The following ABL1 variants were observed in gnomAD, a reference collection of about 807,000 sequenced individuals.
ABL1 encodes tyrosine-protein kinase ABL1.
A neutral mutation model predicts 94.7 loss-of-function variants in ABL1; 11 were observed. The observed-to-expected ratio is 0.12, with a 90% confidence interval of 0.07 to 0.19. The LOEUF (loss-of-function observed/expected upper bound fraction) is 0.19. ABL1 is among the 10% of genes least tolerant of loss of function. The pLI, the probability that ABL1 is intolerant of heterozygous loss-of-function variation, is 1.00. For missense variants in ABL1, 1,082 were observed against 1,489.4 expected, an observed-to-expected ratio of 0.73 and a Z score of 4.50; for synonymous variants, 656 against 622.4, an observed-to-expected ratio of 1.05 and a Z score of -0.80.
chr9:130,876,733 C>CTTTTTT lies in ABL1; in HGVS notation c.1271-1664_1271-1659dup, dbSNP rs755840936. 2.9e-3 allele frequency among the ~76,000 whole-genome samples: 240 copies of CTTTTTT among 83,174 alleles called. 8 individuals are homozygous for CTTTTTT. The highest frequency in any genetic ancestry group is 6.2e-3 in the African/African-American group (119 of 19,316). The allele number at this position is 83,174 out of a possible 152,430, so 54.6% of individuals were successfully genotyped here. On this transcript the variant is annotated intron_variant, in intron 7 of 10. Transcript: ENST00000318560. ...ACCATGCCCTGCCACAAGTTGGTTT[C>CTTTTTT]TTTTTTTTTTTTTTTTTTTTTTTGA...
At chr9:130,808,214 TTTCTTCTTCTTC>T (rs372530078) in intron 1 of ABL1, among the ~76,000 whole-genome samples, 3,636 of 142,952 alleles carry the variant, frequency 0.025, 82 homozygotes, top group African/African-American at 0.054. Context: ...CCTAATTTCT[TTTCTTCTTCTTC>T]TTCTTCTTCT....
chr9:130,854,815 G>A lies in ABL1; in HGVS notation c.268G>A (p.Val90Ile), dbSNP rs373877460. 5 of 1,614,024 alleles carry A rather than the reference G, an allele frequency of 3.1e-6. No homozygotes were observed. Among genetic ancestry groups the A allele is most frequent in the Non-Finnish European group, 4.2e-6 (5 of 1,179,892 alleles). ...LSITKGEKLR[V>I]LGYNHNGEWC... ...TTTCTTCTCAGGTGAAAAGCTCCGG[G>A]TCTTAGGCTATAATCACAATGGGGA... The change falls in exon 3 of 11, where the codon GTC becomes ATC. Residue 90 changes from valine to isoleucine, a missense_variant. Physicochemically the swap from Val to Ile is conservative, Grantham distance 29. Transcript: ENST00000318560.
chr9:130,876,959 G>C (rs1019569358), intron 7 of ABL1, among the ~76,000 whole-genome samples: 1 of 146,266 alleles, frequency 6.8e-6, no homozygotes, highest in Non-Finnish European at 1.5e-5. Flanking sequence ...GGATGGTCTC[G>C]ATCTCCGGAC....
intron 1 of ABL1, among the ~76,000 whole-genome samples, chr9:130,781,526 C>T (rs939427761): frequency 6.6e-6 from 1 of 152,176 alleles, no homozygotes; most frequent in Non-Finnish European, 1.5e-5. Flanking sequence ...CTGATTTTAA[C>T]CATTGACCAT....
At chr9:130,720,374 G>A (rs1831499992) in intron 1 of ABL1, among the ~76,000 whole-genome samples, 1 of 152,186 alleles carries the variant, frequency 6.6e-6, no homozygotes, top group African/African-American at 2.4e-5. Flanking sequence ...ACCCGAAGGA[G>A]GAAGATGAGC....
At chr9:130,750,394 T>G (rs1338919916) in intron 1 of ABL1, among the ~76,000 whole-genome samples, 31 of 113,226 alleles carry the variant, frequency 2.7e-4, no homozygotes, top group Admixed American at 6.2e-4. Flanking sequence ...CTTCCCTCCT[T>G]CCCTTCCTCC....
intron 1 of ABL1, among the ~76,000 whole-genome samples, chr9:130,837,702 G>A (rs917032739): frequency 2.6e-5 from 4 of 152,140 alleles, no homozygotes; most frequent in South Asian, 2.1e-4. Flanking sequence ...TTTTGTAGTT[G>A]GTAGACTTTA....
intron 1 of ABL1, among the ~76,000 whole-genome samples, chr9:130,820,970 C>T (rs1285705060): frequency 6.6e-6 from 1 of 151,842 alleles, no homozygotes. Flanking sequence ...CACTCTGTCA[C>T]TCAAGCTGGA....
In ABL1 at chr9:130,886,127, G is replaced by A. The variant is rs1831579351; in HGVS notation, c.*444G>A. 2 of 252,346 alleles carry A rather than the reference G, an allele frequency of 7.9e-6. No homozygotes were observed. The highest frequency in any genetic ancestry group is 2.4e-3 in the Middle Eastern group (2 of 846). 15.6% of individuals were successfully genotyped at this position (252,346 alleles called of 1,614,324 possible). A position where few individuals can be genotyped will look rare whatever the true frequency, so the allele number is the denominator to read the frequency against. On this transcript the variant is annotated 3_prime_UTR_variant, in exon 11 of 11. Coordinates refer to ENST00000318560, the MANE Select transcript of ABL1 (RefSeq NM_005157.6). ...GAATGGAAGCCTGAACTGAGGCCTT[G>A]TGTGTCAGGCCCTCTGCCTGCACTC...
In ABL1 at chr9:130,885,056, G is replaced by C; in HGVS notation, c.2766G>C (p.Ala922=). ...CCTCGCAGAGCCCGAGCCAGGAGGC[G>C]GCCGGGGAGGCAGTCCTGGGCGCAA... ...GKPSQSPSQE[A]AGEAVLGAKT... Residue 922 remains alanine (A), a synonymous_variant, in exon 11 of 11, where the codon GCG becomes GCC. Transcript: ENST00000318560. 3 of 1,609,952 alleles carry C rather than the reference G, an allele frequency of 1.9e-6. No individual in the cohort carries two copies.
rs1279385412 is a variant in ABL1 at position 130,814,018 on chromosome 9, G to C, written c.137-40046G>C. ...AAAAGCCAGTGTGGCCAGGCAGGGA[G>C]GCCCATGCCTGTAATCCCAGCACTT... On this transcript the variant is annotated intron_variant, in intron 1 of 10. Transcript: ENST00000372348. This position sits in a 1 kb window ranked among gnomAD's most constrained non-coding sequence, Gnocchi z 4.4. 6.6e-6 allele frequency among the ~76,000 whole-genome samples: 1 copy of C among 152,148 alleles called. No homozygotes were observed. The highest frequency in any genetic ancestry group is 2.4e-5 in the African/African-American group (1 of 41,438).
chr9:130,861,376 T>C (rs1321204941), intron 3 of ABL1, among the ~76,000 whole-genome samples: 1 of 152,262 alleles, frequency 6.6e-6, no homozygotes. Flanking sequence ...AACCTTCCTG[T>C]TGACGAATCC....
At chr9:130,750,227 A>ATATATATC (rs1554759832) in intron 1 of ABL1, among the ~76,000 whole-genome samples, 34 of 132,918 alleles carry the variant, frequency 2.6e-4, no homozygotes, top group South Asian at 1.2e-3. Context: ...ATATATATAT[A>ATATATATC]TATATATATC....
At chr9:130,726,211 A>AC in intron 1 of ABL1, among the ~76,000 whole-genome samples, 1 of 37,508 alleles carries the variant, frequency 2.7e-5, no homozygotes, top group Non-Finnish European at 4.1e-5. Flanking sequence ...GCACAAATTG[A>AC]ATGTACAGCT....
chr9:130,845,278 A>G (rs1473208857), intron 1 of ABL1, among the ~76,000 whole-genome samples: 1 of 152,182 alleles, frequency 6.6e-6, no homozygotes, highest in African/African-American at 2.4e-5. Context: ...TCTTAGCCAG[A>G]CAATTTTTAA....
At chr9:130,720,819 T>C (rs1324260503) in intron 1 of ABL1, among the ~76,000 whole-genome samples, 1 of 151,952 alleles carries the variant, frequency 6.6e-6, no homozygotes, top group Non-Finnish European at 1.5e-5. Flanking sequence ...ACCGACAAGA[T>C]TTGCTCTCGG....
At chr9:130,721,150 G>A (rs866990440) in intron 1 of ABL1, among the ~76,000 whole-genome samples, 40 of 150,846 alleles carry the variant, frequency 2.7e-4, no homozygotes, top group Admixed American at 2.5e-3. Context: ...AGGCCAAGGC[G>A]GGCGGATCAC....
intron 1 of ABL1, among the ~76,000 whole-genome samples, chr9:130,718,593 G>C (rs976974464): frequency 6.6e-6 from 1 of 152,134 alleles, no homozygotes; most frequent in Non-Finnish European, 1.5e-5. Context: ...AGATTAAAAA[G>C]TTTGAGGCCA....
intron 1 of ABL1, among the ~76,000 whole-genome samples, chr9:130,733,387 A>G (rs1357408744): frequency 1.3e-5 from 2 of 152,036 alleles, no homozygotes; most frequent in African/African-American, 4.8e-5. Context: ...GTGATTTTGC[A>G]GCATCCTAGG....
Sources: allele counts gnomAD v4.1 joint callset (sites outside exome capture counted in the v4.1 genomes callset), GRCh38; gene constraint gnomAD v4.1.1; non-coding constraint Gnocchi (gnomAD v3.1); transcripts MANE v1.5; gene names NCBI Gene and HGNC (gene_info 2026-07-23, HGNC 2026-07-21).